Variants in CHRM3 observed in about 807,000 individuals in gnomAD.
CHRM3 encodes the protein muscarinic acetylcholine receptor M3.
In CHRM3, 11 loss-of-function variants were observed where a neutral mutation model predicts 41.8. The observed-to-expected ratio is 0.26, with a 90% CI of 0.17 to 0.44. The LOEUF (loss-of-function observed/expected upper bound fraction) is 0.44. CHRM3 is among the 20% of genes least tolerant of loss of function. The pLI, the probability that CHRM3 is intolerant of heterozygous loss-of-function variation, is 1.00. For synonymous variants in CHRM3, 297 were observed against 301.4 expected (o/e 0.99, Z 0.15); for missense variants, 571 against 745.4 (o/e 0.77, Z 2.72).
chr1:239,588,370 A>T (rs1663649872), intron 3 of CHRM3, among the ~76,000 whole-genome samples: 1 of 152,140 alleles, frequency 6.6e-6, no homozygotes, highest in Admixed American at 6.5e-5. Context: ...GAATTTATGG[A>T]GCCCCAGGAC....
chr1:239,801,152 C>T (rs758381985), intron 5 of CHRM3, among the ~76,000 whole-genome samples: 59 of 152,306 alleles, frequency 3.9e-4, no homozygotes, highest in Admixed American at 9.8e-4. Context: ...GAAATGCACA[C>T]ACTATTACAC....
In CHRM3 at chr1:239,909,388, T is replaced by A; in HGVS notation, c.*164T>A. On this transcript the variant is annotated 3_prime_UTR_variant, in exon 7 of 7. Transcript: ENST00000676153. ...ACTGATCCATTGAATAAACCCATTT[T>A]AATAGAAAAAGTCAATACCAATTCA... The A allele has an allele frequency of 1.7e-6, 1 of 576,306 alleles. No individual in the cohort carries two copies. Among genetic ancestry groups the A allele is most frequent in the Non-Finnish European group, 2.9e-6 (1 of 344,044 alleles). 35.7% of individuals were successfully genotyped at this position (576,306 alleles called of 1,614,324 possible).
chr1:239,702,066 G>A (rs542132482), intron 5 of CHRM3, among the ~76,000 whole-genome samples: 55 of 152,164 alleles, frequency 3.6e-4, no homozygotes, highest in Middle Eastern at 3.4e-3. Context: ...AAGTTTCCTC[G>A]AGGAGAAGCA....
At chr1:239,532,033 G>A (rs1483797569) in intron 2 of CHRM3, among the ~76,000 whole-genome samples, 12 of 70,678 alleles carry the variant, frequency 1.7e-4, no homozygotes, top group Non-Finnish European at 2.7e-4. Context: ...TTTTTTTTGA[G>A]ACGGAGTCTT....
chr1:239,460,306 AT>A lies in CHRM3; in HGVS notation c.-520-32395del, dbSNP rs956863711. 9.6e-4 allele frequency among the ~76,000 whole-genome samples: 145 copies of A among 151,802 alleles called. 1 individual carries two copies. Among genetic ancestry groups the A allele is most frequent in the African/African-American group, 3.2e-3 (133 of 41,396 alleles). On this transcript the variant is annotated intron_variant, in intron 1 of 6. Transcript: ENST00000676153. ...TTCTTGAGTATGGGCTTCCACTCCT[AT>A]TTTTTTTCCCCCATCATAATTTAAG... is the stretch of plus-strand genomic sequence containing the variant.
intron 3 of CHRM3, among the ~76,000 whole-genome samples, chr1:239,565,531 A>G (rs1661270818): frequency 1.3e-5 from 2 of 152,264 alleles, no homozygotes; most frequent in South Asian, 4.1e-4. Flanking sequence ...GTGCTAATTA[A>G]ACGTAGGAAT....
At chr1:239,707,464 C>T (rs1172704491) in intron 5 of CHRM3, 1 of 152,094 alleles carries the variant, frequency 6.6e-6, no homozygotes, top group Non-Finnish European at 1.5e-5. Context: ...ATTTTGCAAA[C>T]CTCAATGTTC....
At chr1:239,566,929 ATTAGAG>A (rs979002209) in intron 3 of CHRM3, among the ~76,000 whole-genome samples, 19 of 152,350 alleles carry the variant, frequency 1.2e-4, no homozygotes, top group African/African-American at 4.3e-4. Context: ...AATTTACCAA[ATTAGAG>A]TTAAATTATT....
chr1:239,406,548 C>T (rs943941477), intron 1 of CHRM3, among the ~76,000 whole-genome samples: 7 of 152,244 alleles, frequency 4.6e-5, no homozygotes, highest in East Asian at 1.9e-4. Flanking sequence ...ATTACTGAAG[C>T]GAAAGCTGGC....
intron 1 of CHRM3, among the ~76,000 whole-genome samples, chr1:239,469,782 C>T (rs1315937767): frequency 6.6e-6 from 1 of 152,102 alleles, no homozygotes. Flanking sequence ...GTCCCAAGTT[C>T]CTGACCTCAG....
Position 239,913,195 on chromosome 1 carries a change from G to T in CHRM3, c.*3971G>T, listed in dbSNP as rs970714495. 1 of 166,994 alleles carries T rather than the reference G, an allele frequency of 6.0e-6. No individual in the cohort carries two copies. The highest frequency in any genetic ancestry group is 2.4e-5 in the African/African-American group (1 of 41,424). The allele number at this position is 166,994 out of a possible 1,614,324, so 10.3% of individuals were successfully genotyped here. A position where few individuals can be genotyped will look rare whatever the true frequency, so the allele number is the denominator to read the frequency against. On this transcript the variant is annotated 3_prime_UTR_variant, in exon 7 of 7. Transcript: ENST00000676153. ...AGCTTTGAAATTTGTTGGCAAACCCGGAGTAGTATGGTTTCAAATACCACT... is the reference window on the plus strand; with the variant it reads ...AGCTTTGAAATTTGTTGGCAAACCCTGAGTAGTATGGTTTCAAATACCACT...
intron 1 of CHRM3, among the ~76,000 whole-genome samples, chr1:239,471,811 A>G (rs1666139946): frequency 6.6e-6 from 1 of 152,168 alleles, no homozygotes. Context: ...CATCAGAGAC[A>G]GTGTGTCATG....
chr1:239,420,850 AAAAC>A (rs1193525155), intron 1 of CHRM3, among the ~76,000 whole-genome samples: 6 of 152,198 alleles, frequency 3.9e-5, no homozygotes, highest in Non-Finnish European at 8.8e-5. Flanking sequence ...CCATAATATT[AAAAC>A]AATGAAACCA....
intron 6 of CHRM3, among the ~76,000 whole-genome samples, chr1:239,838,943 TAAAC>T (rs948447706): frequency 2.6e-5 from 4 of 152,208 alleles, no homozygotes; most frequent in Admixed American, 1.3e-4. Flanking sequence ...AGGATGATGT[TAAAC>T]AAAGCATCAT....
chr1:239,595,403 G>A (rs1484940338), intron 3 of CHRM3, among the ~76,000 whole-genome samples: 5 of 152,060 alleles, frequency 3.3e-5, no homozygotes, highest in African/African-American at 1.2e-4. Flanking sequence ...AAAGAAGAGT[G>A]TGTCTGCAAA....
intron 2 of CHRM3, among the ~76,000 whole-genome samples, chr1:239,521,898 T>A (rs1669667031): frequency 6.6e-6 from 1 of 152,202 alleles, no homozygotes; most frequent in Non-Finnish European, 1.5e-5. Context: ...TGGGAGAATA[T>A]GCATAGGGTA....
chr1:239,761,535 C>T (rs1572209616), intron 5 of CHRM3, among the ~76,000 whole-genome samples: 4 of 152,208 alleles, frequency 2.6e-5, no homozygotes, highest in Admixed American at 2.6e-4. Context: ...TTTGGGGATG[C>T]ATCCAAATTG....
At chr1:239,804,634 ATCTT>A (rs1437341340) in intron 5 of CHRM3, among the ~76,000 whole-genome samples, 1 of 152,128 alleles carries the variant, frequency 6.6e-6, no homozygotes, top group Non-Finnish European at 1.5e-5. Flanking sequence ...ACTCCATAGA[ATCTT>A]TCCTGTGCAG....
At chr1:239,442,529 C>T (rs1663812074) in intron 1 of CHRM3, among the ~76,000 whole-genome samples, 1 of 151,820 alleles carries the variant, frequency 6.6e-6, no homozygotes, top group Admixed American at 6.6e-5. Flanking sequence ...GTGTGTGAGG[C>T]CAGAAGCAGT....
Sources: allele counts gnomAD v4.1 joint callset (sites outside exome capture counted in the v4.1 genomes callset), GRCh38; gene constraint gnomAD v4.1.1; transcripts MANE v1.5; gene names NCBI Gene and HGNC (gene_info 2026-07-23, HGNC 2026-07-21).